SULF1: variants seen among roughly 807,000 people sequenced by gnomAD.
The protein encoded by SULF1 is sulfatase 1.
A neutral mutation model predicts 110.5 loss-of-function variants in SULF1; 46 were observed. The observed-to-expected ratio is 0.42, with a 90% CI of 0.33 to 0.53. SULF1 has a LOEUF of 0.53. Among genes scored for constraint, SULF1 ranks in the 20% least tolerant of loss-of-function variants. SULF1 has a pLI of 0.12. For synonymous variants in SULF1, 371 were observed against 387.1 expected, an observed-to-expected ratio of 0.96 and a Z score of 0.49; for missense variants, 941 against 1,094.2, an observed-to-expected ratio of 0.86 and a Z score of 1.98.
chr8:69,546,399 G>A (rs1250746037), intron 3 of SULF1, among the ~76,000 whole-genome samples: 4 of 152,198 alleles, frequency 2.6e-5, no homozygotes, highest in Non-Finnish European at 4.4e-5. Context: ...GATTCAAGCT[G>A]AGGTGAATTT....
At chr8:69,593,893 G>A (rs1012308800) in intron 8 of SULF1, among the ~76,000 whole-genome samples, 23 of 152,026 alleles carry the variant, frequency 1.5e-4, no homozygotes, top group African/African-American at 3.6e-4. Flanking sequence ...CTCTCTCCTC[G>A]CCTCAGTGAT....
At chr8:69,566,169 C>T (rs1045801376) in intron 5 of SULF1, among the ~76,000 whole-genome samples, 1 of 152,038 alleles carries the variant, frequency 6.6e-6, no homozygotes, top group Non-Finnish European at 1.5e-5. Context: ...ATGTTGCACT[C>T]CTCATGCACT....
At chr8:69,626,321 C>T (rs1304189207) in intron 15 of SULF1, among the ~76,000 whole-genome samples, 2 of 152,104 alleles carry the variant, frequency 1.3e-5, no homozygotes, top group African/African-American at 4.8e-5. Flanking sequence ...ACTCACAAAC[C>T]TTGAGCTAAA....
At chr8:69,539,438 T>C (rs1453260271) in intron 3 of SULF1, among the ~76,000 whole-genome samples, 2 of 152,334 alleles carry the variant, frequency 1.3e-5, no homozygotes, top group Admixed American at 6.5e-5. Flanking sequence ...GAAAAGATCT[T>C]GCGCTTGGCA....
chr8:69,470,801 T>C (rs1368140912), intron 1 of SULF1, among the ~76,000 whole-genome samples: 1 of 152,190 alleles, frequency 6.6e-6, no homozygotes, highest in East Asian at 1.9e-4. Context: ...GCCCGAACTT[T>C]CCAACCATTT....
intron 3 of SULF1, among the ~76,000 whole-genome samples, chr8:69,543,702 T>A (rs1413691957): frequency 6.6e-6 from 1 of 152,216 alleles, no homozygotes; most frequent in East Asian, 1.9e-4. Context: ...CCTTTACATC[T>A]TTTTTTTGAC....
At chr8:69,654,639 G>T (rs1360693419) in intron 22 of SULF1, among the ~76,000 whole-genome samples, 1 of 152,346 alleles carries the variant, frequency 6.6e-6, no homozygotes, top group East Asian at 1.9e-4. Flanking sequence ...AAGTTGAAGT[G>T]CTGTGCAGAA....
chr8:69,499,257 A>C (rs1312849373), intron 2 of SULF1, among the ~76,000 whole-genome samples: 1 of 152,218 alleles, frequency 6.6e-6, no homozygotes. Context: ...AATACACATT[A>C]GCATAATTCT....
At chr8:69,601,078 G>A (rs1807767644) in intron 9 of SULF1, among the ~76,000 whole-genome samples, 3 of 152,148 alleles carry the variant, frequency 2.0e-5, no homozygotes, top group African/African-American at 7.2e-5. Flanking sequence ...TAAGTTAAGG[G>A]CCCCATCTAA....
intron 13 of SULF1, among the ~76,000 whole-genome samples, chr8:69,619,058 T>C (rs888057253): frequency 1.3e-5 from 2 of 152,212 alleles, no homozygotes; most frequent in Non-Finnish European, 2.9e-5. Flanking sequence ...GAACATCTTT[T>C]ATTTAATAAT....
At chr8:69,548,590 G>A (rs952444353) in intron 3 of SULF1, among the ~76,000 whole-genome samples, 10 of 150,494 alleles carry the variant, frequency 6.6e-5, no homozygotes, top group African/African-American at 2.2e-4. Context: ...TAGGATTACA[G>A]GCATGCACCA....
At chr8:69,473,266 C>T (rs770160756) in intron 1 of SULF1, 15 of 152,106 alleles carry the variant, frequency 9.9e-5, no homozygotes, top group Non-Finnish European at 1.8e-4. Flanking sequence ...GAAACTATGT[C>T]TACGTTTTCT....
At chr8:69,639,607 C>T (rs1319636072) in intron 21 of SULF1, among the ~76,000 whole-genome samples, 1 of 152,170 alleles carries the variant, frequency 6.6e-6, no homozygotes, top group Middle Eastern at 3.2e-3. Flanking sequence ...AGAACTAAAG[C>T]TGGCAAGGGC....
At chr8:69,572,330 T>C (rs907381868) in intron 5 of SULF1, among the ~76,000 whole-genome samples, 2 of 152,186 alleles carry the variant, frequency 1.3e-5, no homozygotes, top group African/African-American at 4.8e-5. Context: ...CACAGCATGA[T>C]TTAGCCTTCT....
chr8:69,520,112 T>TACAC (rs34036903), intron 3 of SULF1, among the ~76,000 whole-genome samples: 2,315 of 137,108 alleles, frequency 0.017, 21 homozygotes, highest in Middle Eastern at 0.031. Flanking sequence ...AAATTCCAGT[T>TACAC]ACACACACAC....
At chr8:69,472,330 G>A (rs917701052) in intron 1 of SULF1, among the ~76,000 whole-genome samples, 4 of 152,156 alleles carry the variant, frequency 2.6e-5, no homozygotes, top group East Asian at 1.9e-4. Context: ...GAGTCAGATC[G>A]AGCTTCCAGA....
In SULF1 at chr8:69,590,811, G is replaced by A. The variant is rs555668007; in HGVS notation, c.734+1670G>A. Among the ~76,000 whole-genome samples, 6 of 152,268 alleles carry A rather than the reference G, an allele frequency of 3.9e-5. No homozygotes were observed. In the South Asian group the frequency reaches 6.2e-4, roughly 16 times the overall value. ...GATCTTCCCCTATATACAACTCTGC[G>A]AGTAAATTCATGAATGAAGCCCATG... On this transcript the variant is annotated intron_variant, in intron 8 of 22. Transcript: ENST00000402687.
intron 1 of SULF1, among the ~76,000 whole-genome samples, chr8:69,470,535 T>A (rs1809038928): frequency 1.3e-5 from 2 of 152,064 alleles, no homozygotes; most frequent in South Asian, 4.2e-4. Context: ...TGTGAGTCCT[T>A]CCTTTAAAAT....
intron 3 of SULF1, among the ~76,000 whole-genome samples, chr8:69,503,930 G>A (rs1810986016): frequency 1.3e-5 from 2 of 151,966 alleles, no homozygotes; most frequent in African/African-American, 4.8e-5. Context: ...CTCCCAAGTA[G>A]CTGGAACTAC....
Sources: allele counts gnomAD v4.1 joint callset (sites outside exome capture counted in the v4.1 genomes callset), GRCh38; gene constraint gnomAD v4.1.1; transcripts MANE v1.5; gene names NCBI Gene and HGNC (gene_info 2026-07-23, HGNC 2026-07-21).